The following MFF variants were observed in gnomAD, a reference collection of about 807,000 sequenced individuals.
MFF encodes the protein chromosome 2 open reading frame 33.
A neutral mutation model predicts 36.9 loss-of-function variants in MFF; 12 were observed. The ratio of observed to expected loss-of-function variants is 0.33; its 90% CI spans 0.21 to 0.53. The LOEUF is 0.53. MFF is among the 20% of genes least tolerant of loss of function. The pLI, the probability that MFF is intolerant of heterozygous loss-of-function variation, is 0.95. For synonymous variants in MFF, 99 were observed against 126.2 expected, an observed-to-expected ratio of 0.78 and a Z score of 1.44; for missense variants, 348 against 366.6, an observed-to-expected ratio of 0.95 and a Z score of 0.42.
At chr2:227,353,046 G>A (rs190725932) in intron 7 of MFF, among the ~76,000 whole-genome samples, 4 of 152,266 alleles carry the variant, frequency 2.6e-5, no homozygotes, top group Admixed American at 2.6e-4. Flanking sequence ...CAACTCCACA[G>A]TTTGGGAAGG....
Position 227,352,585 on chromosome 2 carries a change from G to C in MFF, c.659+12G>C. On this transcript the variant is annotated intron_variant, in intron 7 of 8. Coordinates refer to ENST00000304593, the MANE Select transcript of MFF (RefSeq NM_001277062.2). ...CATGACAACGTCAGGTAAATTTTGA[G>C]ACTTCGTAATTACCAGGGTAAATGC... 6.9e-7 allele frequency: 1 copy of C among 1,448,636 alleles called. No individual in the cohort carries two copies. Among genetic ancestry groups the C allele is most frequent in the African/African-American group, 1.8e-5 (1 of 54,422 alleles). 89.7% of individuals were successfully genotyped at this position (1,448,636 alleles called of 1,614,324 possible).
In MFF at chr2:227,352,571, C is replaced by A; in HGVS notation, c.657C>A (p.Val219=). 6.2e-7 allele frequency: 1 copy of A among 1,613,430 alleles called. No individual in the cohort carries two copies. The highest frequency in any genetic ancestry group is 8.5e-7 in the Non-Finnish European group (1 of 1,179,540). The change falls in exon 7 of 9, where the codon GTC becomes GTA. Residue 219 remains valine (V), a splice_region_variant and synonymous_variant. Transcript: ENST00000304593. ...AATSNPHHDN[V]RYGISNIDTT... ...CTTCTAATCCTCATCATGACAACGTCAGGTAAATTTTGAGACTTCGTAATT... is the reference window on the plus strand; with the variant it reads ...CTTCTAATCCTCATCATGACAACGTAAGGTAAATTTTGAGACTTCGTAATT...
In MFF at chr2:227,325,391, C is replaced by G. The variant is rs1453841018; in HGVS notation, c.-189C>G. 6.4e-6 allele frequency: 1 copy of G among 155,496 alleles called. No homozygotes were observed. Among genetic ancestry groups the G allele is most frequent in the Non-Finnish European group, 1.4e-5 (1 of 69,818 alleles). The allele number at this position is 155,496 out of a possible 1,614,324, so 9.6% of individuals were successfully genotyped here. A position where few individuals can be genotyped will look rare whatever the true frequency, so the allele number is the denominator to read the frequency against. On this transcript the variant is annotated 5_prime_UTR_variant, in exon 1 of 9. Transcript: ENST00000304593. ...CTCGAGCGCCCCGGGAGCCAGAGGGCGGGGGTCCTCGCCGGGACCCTCCTG... is the reference window on the plus strand; with the variant it reads ...CTCGAGCGCCCCGGGAGCCAGAGGGGGGGGGTCCTCGCCGGGACCCTCCTG...
chr2:227,329,916 A>T, intron 2 of MFF: 1 of 433,286 alleles, frequency 2.3e-6, no homozygotes, highest in Non-Finnish European at 3.9e-6. Context: ...CATTCTTTCT[A>T]CTGCATTAAA....
Position 227,332,556 on chromosome 2 carries a change from G to A in MFF, c.319G>A (p.Glu107Lys). The A allele has an allele frequency of 3.7e-6, 6 of 1,613,066 alleles. No homozygotes were observed. Among genetic ancestry groups the A allele is most frequent in the Non-Finnish European group, 5.1e-6 (6 of 1,179,380 alleles). ...AAGACCACTAGATTTTCTGGATTTAGAAAGACCTCCTACAACCCCTCAAAA... is the reference window on the plus strand; with the variant it reads ...AAGACCACTAGATTTTCTGGATTTAAAAAGACCTCCTACAACCCCTCAAAA... The part of the protein sequence containing the change: ...SERPLDFLDL[E>K]RPPTTPQNEE... The change falls in exon 4 of 9, where the codon GAA becomes AAA. Residue 107 changes from glutamate to lysine, a missense_variant. By Grantham distance (56) the Glu-to-Lys change is moderately conservative. Transcript: ENST00000304593.
intron 4 of MFF, among the ~76,000 whole-genome samples, chr2:227,340,042 G>A (rs966645946): frequency 2.0e-5 from 3 of 152,082 alleles, no homozygotes; most frequent in Admixed American, 1.3e-4. Context: ...CTAGAGTAGC[G>A]TTCTTAAAGT....
chr2:227,343,460 T>C (rs1398608697), intron 5 of MFF, among the ~76,000 whole-genome samples: 1 of 152,220 alleles, frequency 6.6e-6, no homozygotes, highest in Non-Finnish European at 1.5e-5. Flanking sequence ...GTTTTCCTCT[T>C]ATTCTGGTTC....
intron 3 of MFF, 119 bp from the exon 4 acceptor site, chr2:227,332,300 C>A: frequency 2.6e-6 from 2 of 774,130 alleles, no homozygotes; most frequent in Non-Finnish European, 4.1e-6. Context: ...GAAACTAATG[C>A]TTATTGGGTG....
Position 227,357,109 on chromosome 2 carries a change from C to A in MFF, c.868C>A (p.Arg290Ser). ...FWLLNSWLWF[R>S]R ...GCTGCTTAATAGCTGGCTCTGGTTT[C>A]GCCGCTAGAGGTAACATCAGCCCTC... The change falls in exon 9 of 9, where the codon CGC (arginine) becomes AGC (serine). Residue 290 changes from arginine to serine, a missense_variant. Coordinates refer to ENST00000304593, the MANE Select transcript of MFF (RefSeq NM_001277062.2). 6.2e-7 allele frequency: 1 copy of A among 1,611,842 alleles called. No individual in the cohort carries two copies.
At chr2:227,331,693 G>A (rs2074579628) in intron 3 of MFF, among the ~76,000 whole-genome samples, 3 of 152,180 alleles carry the variant, frequency 2.0e-5, no homozygotes, top group Admixed American at 6.5e-5. Context: ...AGCTGTTTGA[G>A]TGGGCGTGTA....
At chr2:227,326,557 C>G (rs552097958) in intron 1 of MFF, among the ~76,000 whole-genome samples, 26 of 152,342 alleles carry the variant, frequency 1.7e-4, no homozygotes, top group Non-Finnish European at 2.9e-4. Context: ...TCTGATAGAG[C>G]TGCCTCCTTT....
At chr2:227,355,802 T>C in intron 8 of MFF, 41 bp downstream of exon 8, 1 of 1,245,534 alleles carries the variant, frequency 8.0e-7, no homozygotes, top group Non-Finnish European at 1.2e-6. Context: ...TCAGTTATAT[T>C]CATACAATAT....
At chr2:227,341,229 A>T (rs935071873) in intron 5 of MFF, among the ~76,000 whole-genome samples, 1 of 152,028 alleles carries the variant, frequency 6.6e-6, no homozygotes, top group Admixed American at 6.6e-5. Context: ...TCTAAAGAGT[A>T]TAGGGGTACA....
chr2:227,332,395 G>A lies in MFF; in HGVS notation c.182-24G>A, dbSNP rs1309740226. ...AAAACCTCCCGCTTTTCTCTTCTTT[G>A]TCTCTTTTCTTGAAAACTCCTAGGA... On this transcript the variant is annotated intron_variant, in intron 3 of 8. Coordinates refer to ENST00000304593, the MANE Select transcript of MFF (RefSeq NM_001277062.2). 1.5e-5 allele frequency: 22 copies of A among 1,507,486 alleles called. 1 individual carries two copies. In the Middle Eastern group the frequency reaches 5.5e-4, roughly 38 times the overall value. 93.4% of individuals were successfully genotyped at this position (1,507,486 alleles called of 1,614,324 possible). A position where few individuals can be genotyped will look rare whatever the true frequency, so the allele number is the denominator to read the frequency against.
chr2:227,327,507 A>AAGT lies in MFF; in HGVS notation c.-152-1171_-152-1170insAGT, dbSNP rs10679131. On this transcript the variant is annotated intron_variant, in intron 1 of 8. Transcript: ENST00000304593. ...AATACAGTGTTAAATCTTAGTAGAA[A>AAGT]TCCAGTTACTTTTTAAATGTAAGTA... Among the ~76,000 whole-genome samples, 145,859 of 152,226 alleles carry AAGT rather than the reference A, an allele frequency of 0.96. 70,103 individuals carry two copies. Among genetic ancestry groups the AAGT allele is most frequent in the East Asian group, 1 (5,189 of 5,194 alleles).
intron 5 of MFF, 111 bp from the exon 6 acceptor site, chr2:227,347,114 TG>T (rs1284726812): frequency 6.0e-6 from 5 of 832,446 alleles, no homozygotes; most frequent in Non-Finnish European, 9.5e-6. Flanking sequence ...GAGTGAAGGG[TG>T]GGAAAGGGGC....
intron 3 of MFF, 115 bp from the exon 4 acceptor site, chr2:227,332,304 T>C (rs2074658467): frequency 1.3e-6 from 1 of 780,442 alleles, no homozygotes; most frequent in Admixed American, 2.7e-5. Flanking sequence ...CTAATGCTTA[T>C]TGGGTGGTAT....
intron 4 of MFF, among the ~76,000 whole-genome samples, chr2:227,332,816 A>C (rs775643963): frequency 1.2e-4 from 18 of 152,262 alleles, no homozygotes; most frequent in Non-Finnish European, 2.9e-5. Flanking sequence ...AGTATTATTA[A>C]GTTCCTGTGG....
chr2:227,347,612 A>G (rs1408947494), intron 6 of MFF, among the ~76,000 whole-genome samples: 3 of 152,212 alleles, frequency 2.0e-5, no homozygotes, highest in African/African-American at 7.2e-5. Context: ...ATACATAGAA[A>G]GTGTAGTGAT....
Sources: gnomAD v4.1 joint callset for allele counts (sites outside exome capture counted in the v4.1 genomes callset) on GRCh38, gnomAD v4.1.1 for gene constraint, MANE v1.5 for transcripts, NCBI Gene and HGNC (gene_info 2026-07-23, HGNC 2026-07-21) for gene names.